The following KCND3 variants were observed in gnomAD, a reference collection of about 807,000 sequenced individuals.
The protein encoded by KCND3 is potassium voltage-gated channel subfamily D member 3.
In KCND3, 9 loss-of-function variants were observed where a neutral mutation model predicts 51.1. The ratio of observed to expected loss-of-function variants is 0.18; its 90% CI spans 0.11 to 0.31. The LOEUF (loss-of-function observed/expected upper bound fraction) is 0.31, where lower values mean the gene tolerates loss of function less well. Among genes scored for constraint, KCND3 ranks in the 10% least tolerant of loss-of-function variants. KCND3 has a pLI of 1.00. For synonymous variants in KCND3, 349 were observed against 368.0 expected, an observed-to-expected ratio of 0.95 and a Z score of 0.59; for missense variants, 526 against 903.8, an observed-to-expected ratio of 0.58 and a Z score of 5.36.
intron 2 of KCND3, among the ~76,000 whole-genome samples, chr1:111,822,315 G>A (rs991354294): frequency 1.4e-4 from 21 of 151,868 alleles, no homozygotes; most frequent in Non-Finnish European, 2.9e-4. Flanking sequence ...CGCAACCATC[G>A]CCACCATCCA....
At chr1:111,917,649 A>T (rs1374251253) in intron 2 of KCND3, among the ~76,000 whole-genome samples, 1 of 152,218 alleles carries the variant, frequency 6.6e-6, no homozygotes, top group Non-Finnish European at 1.5e-5. Context: ...ATCAAAGGCC[A>T]TTAGGACTCC....
intron 1 of KCND3, among the ~76,000 whole-genome samples, chr1:111,987,265 C>T (rs931422296): frequency 2.6e-5 from 4 of 152,222 alleles, no homozygotes; most frequent in Non-Finnish European, 4.4e-5. Flanking sequence ...CAGTCCTTTA[C>T]AAACTGCTTT....
intron 2 of KCND3, among the ~76,000 whole-genome samples, chr1:111,821,710 C>T (rs768566298): frequency 7.2e-5 from 11 of 152,190 alleles, no homozygotes; most frequent in Non-Finnish European, 1.2e-4. Context: ...TCCTCCAGTA[C>T]GAACAGCCAG....
At chr1:111,917,619 C>G (rs1671286414) in intron 2 of KCND3, among the ~76,000 whole-genome samples, 1 of 152,112 alleles carries the variant, frequency 6.6e-6, no homozygotes, top group African/African-American at 2.4e-5. Context: ...AAAAATGAGC[C>G]CTTACATTGG....
chr1:111,777,277 C>G lies in KCND3; in HGVS notation c.1519-4G>C. ...GCTCATCAATAAACTCGTGGTTCTG[C>G]GGGAGGCAGAAGGAGAAGAAGTAGG... On this transcript the variant is annotated splice_region_variant and splice_polypyrimidine_tract_variant and intron_variant, in intron 6 of 7. Transcript: ENST00000302127. The G allele has an allele frequency of 6.2e-7, 1 of 1,613,976 alleles. No individual in the cohort carries two copies. The highest frequency in any genetic ancestry group is 8.5e-7 in the Non-Finnish European group (1 of 1,180,012).
intron 2 of KCND3, among the ~76,000 whole-genome samples, chr1:111,885,626 G>A (rs1325907678): frequency 6.6e-6 from 1 of 152,042 alleles, no homozygotes; most frequent in Non-Finnish European, 1.5e-5. Context: ...GGGCAGATGA[G>A]AAACAAGTGT....
intron 2 of KCND3, among the ~76,000 whole-genome samples, chr1:111,796,504 T>G (rs1314744992): frequency 1.3e-5 from 2 of 152,204 alleles, no homozygotes; most frequent in Non-Finnish European, 2.9e-5. Context: ...GGAGGCCATT[T>G]TCCTTAGCAA....
rs1675520174 is a variant in KCND3, at chr1:111,989,590, CGAGCGCCCA to C, written c.-167_-159del. Among the ~76,000 whole-genome samples, 1 of 148,062 alleles carries C rather than the reference CGAGCGCCCA, an allele frequency of 6.8e-6. No homozygotes were observed. Among genetic ancestry groups the C allele is most frequent in the South Asian group, 2.1e-4 (1 of 4,828 alleles). Reference sequence around the variant, plus strand: ...CCGGGAGCCGGGGCCGCGGAGGCGCCGAGCGCCCAGCAGCGCGGGGAAGCGCCCAGCAGC... The same window carrying C: ...CCGGGAGCCGGGGCCGCGGAGGCGCCGCAGCGCGGGGAAGCGCCCAGCAGC... On this transcript the variant is annotated 5_prime_UTR_variant, in exon 1 of 8. Transcript: ENST00000302127.
At chr1:111,944,579 A>G (rs1302939385) in intron 2 of KCND3, among the ~76,000 whole-genome samples, 2 of 152,154 alleles carry the variant, frequency 1.3e-5, no homozygotes, top group Non-Finnish European at 2.9e-5. Flanking sequence ...TGCTGCCTGG[A>G]CCCTGGGGCC....
At chr1:111,878,553 G>A (rs1302733321) in intron 2 of KCND3, among the ~76,000 whole-genome samples, 1 of 152,234 alleles carries the variant, frequency 6.6e-6, no homozygotes, top group Non-Finnish European at 1.5e-5. Flanking sequence ...AAGGGGTAAG[G>A]AGTGAAGAGA....
intron 2 of KCND3, among the ~76,000 whole-genome samples, chr1:111,849,952 C>T (rs1667732384): frequency 6.6e-6 from 1 of 152,120 alleles, no homozygotes; most frequent in Admixed American, 6.5e-5. Context: ...CGTGGGCCCT[C>T]CATATCTTCC....
At chr1:111,801,748 C>T (rs1171282114) in intron 2 of KCND3, among the ~76,000 whole-genome samples, 4 of 152,226 alleles carry the variant, frequency 2.6e-5, no homozygotes, top group Admixed American at 2.6e-4. Flanking sequence ...GCATTCCCCA[C>T]GCTGTGCTGC....
intron 2 of KCND3, among the ~76,000 whole-genome samples, chr1:111,873,802 C>G (rs773069944): frequency 6.6e-6 from 1 of 151,904 alleles, no homozygotes; most frequent in Non-Finnish European, 1.5e-5. Context: ...ATAGATTAGC[C>G]CCCTTGCCAC....
chr1:111,933,609 T>G (rs1005354344), intron 2 of KCND3, among the ~76,000 whole-genome samples: 1 of 152,108 alleles, frequency 6.6e-6, no homozygotes, highest in Non-Finnish European at 1.5e-5. Flanking sequence ...TGGAGAGGCA[T>G]CCAAGAAGCA....
intron 2 of KCND3, among the ~76,000 whole-genome samples, chr1:111,943,813 A>G (rs535913560): frequency 6.6e-6 from 1 of 152,260 alleles, no homozygotes; most frequent in African/African-American, 2.4e-5. Flanking sequence ...ACCCCATTTT[A>G]CAGAGGAAGA....
Position 111,928,763 on chromosome 1 carries a change from A to G in KCND3, c.1106+52858T>C, listed in dbSNP as rs564141378. Among the ~76,000 whole-genome samples, 18 of 152,218 alleles carry G rather than the reference A, an allele frequency of 1.2e-4. No homozygotes were observed. In the South Asian group the frequency reaches 2.5e-3, roughly 21 times the overall value. On this transcript the variant is annotated intron_variant, in intron 2 of 7. Coordinates refer to ENST00000302127, the MANE Select transcript of KCND3 (RefSeq NM_001378969.1). ...GGTCCTGGTCCCAGGACCTTGCCACATAGATCTCACGCACTCCCTACACAG... is the reference window on the plus strand; with the variant it reads ...GGTCCTGGTCCCAGGACCTTGCCACGTAGATCTCACGCACTCCCTACACAG...
chr1:111,923,727 ACC>A (rs1312285748), intron 2 of KCND3, among the ~76,000 whole-genome samples: 1 of 152,182 alleles, frequency 6.6e-6, no homozygotes, highest in Non-Finnish European at 1.5e-5. Context: ...GGGCCCTGCT[ACC>A]TCGTCTGAAG....
At chr1:111,831,885 G>A (rs573044183) in intron 2 of KCND3, among the ~76,000 whole-genome samples, 5 of 152,338 alleles carry the variant, frequency 3.3e-5, no homozygotes, top group African/African-American at 1.2e-4. Flanking sequence ...GAGTCTGTAA[G>A]TTTTCCCTTT....
intron 2 of KCND3, among the ~76,000 whole-genome samples, chr1:111,863,360 G>A (rs565221086): frequency 6.6e-6 from 1 of 151,404 alleles, no homozygotes; most frequent in African/African-American, 2.4e-5. Flanking sequence ...TTATGTTCTC[G>A]ATGATAGAGA....
Sources: gnomAD v4.1 joint callset for allele counts (sites outside exome capture counted in the v4.1 genomes callset) on GRCh38, gnomAD v4.1.1 for gene constraint, MANE v1.5 for transcripts, NCBI Gene and HGNC (gene_info 2026-07-23, HGNC 2026-07-21) for gene names.